SDK1: variants seen among roughly 807,000 people sequenced by gnomAD.
The protein encoded by SDK1 is sidekick cell adhesion molecule 1.
A neutral mutation model predicts 245.5 loss-of-function variants in SDK1; 157 were observed. The ratio of observed to expected loss-of-function variants is 0.64; its 90% CI spans 0.56 to 0.73. The LOEUF (loss-of-function observed/expected upper bound fraction) is 0.73, where lower values mean the gene tolerates loss of function less well. SDK1 is among the 30% of genes least tolerant of loss of function. The pLI, the probability that SDK1 is intolerant of heterozygous loss-of-function variation, is 0.00. For missense variants in SDK1, 3,583 were observed against 3,002.3 expected, an observed-to-expected ratio of 1.19 and a Z score of -4.52; for synonymous variants, 1,647 against 1,278.5, an observed-to-expected ratio of 1.29 and a Z score of -6.15.
intron 13 of SDK1, among the ~76,000 whole-genome samples, chr7:3,978,088 AT>A (rs199727490): frequency 9.6e-4 from 140 of 146,032 alleles, no homozygotes; most frequent in South Asian, 6.4e-3. Flanking sequence ...CAGACAGAGG[AT>A]TTTTTTTTTT....
intron 5 of SDK1, among the ~76,000 whole-genome samples, chr7:3,850,982 G>C (rs771972705): frequency 1.7e-4 from 26 of 152,238 alleles, no homozygotes; most frequent in Non-Finnish European, 3.1e-4. Flanking sequence ...CGTTGTGCAA[G>C]TGTACCCTAG....
intron 1 of SDK1, among the ~76,000 whole-genome samples, chr7:3,323,534 C>T (rs966052428): frequency 6.6e-6 from 1 of 152,174 alleles, no homozygotes; most frequent in African/African-American, 2.4e-5. Context: ...ACTGAGGCTC[C>T]TGTTTTCTTG....
At chr7:3,738,393 A>G (rs1779380890) in intron 4 of SDK1, among the ~76,000 whole-genome samples, 1 of 152,124 alleles carries the variant, frequency 6.6e-6, no homozygotes, top group Non-Finnish European at 1.5e-5. Flanking sequence ...CTAATCTATT[A>G]CATTGGTTTG....
At chr7:3,347,811 A>C (rs1227830646) in intron 1 of SDK1, among the ~76,000 whole-genome samples, 2 of 152,200 alleles carry the variant, frequency 1.3e-5, no homozygotes, top group Non-Finnish European at 2.9e-5. Flanking sequence ...AAGTTTCTTA[A>C]GTACTTTATT....
intron 7 of SDK1, among the ~76,000 whole-genome samples, chr7:3,958,680 A>G (rs906122811): frequency 1.3e-5 from 2 of 152,194 alleles, no homozygotes; most frequent in African/African-American, 4.8e-5. Flanking sequence ...GTAAATTAAG[A>G]TATTCCATGA....
chr7:3,802,734 TC>T (rs1392758945), intron 4 of SDK1, among the ~76,000 whole-genome samples: 1 of 152,100 alleles, frequency 6.6e-6, no homozygotes, highest in African/African-American at 2.4e-5. Context: ...GATTGGCTTT[TC>T]CCCCCACTTA....
intron 1 of SDK1, among the ~76,000 whole-genome samples, chr7:3,368,551 G>A (rs1225204885): frequency 6.6e-6 from 1 of 152,194 alleles, no homozygotes; most frequent in African/African-American, 2.4e-5. Flanking sequence ...TTTGGATCAC[G>A]GGATGGTGGG....
chr7:3,721,504 AC>A (rs1778800043), intron 4 of SDK1, among the ~76,000 whole-genome samples: 1 of 152,246 alleles, frequency 6.6e-6, no homozygotes, highest in Non-Finnish European at 1.5e-5. Flanking sequence ...CTTTCACAGT[AC>A]AGCGTAGGCT....
intron 43 of SDK1, 45 bp downstream of exon 43, chr7:4,241,958 G>T (rs1237480725): frequency 1.9e-6 from 3 of 1,601,584 alleles, no homozygotes; most frequent in African/African-American, 1.3e-5. Context: ...GATCTGAGCT[G>T]CCAGGGCTGG....
chr7:3,907,948 T>A (rs1300256123), intron 5 of SDK1, among the ~76,000 whole-genome samples: 1 of 152,204 alleles, frequency 6.6e-6, no homozygotes, highest in Non-Finnish European at 1.5e-5. Flanking sequence ...AAACATTGTT[T>A]CAAGAGGGTT....
At chr7:4,152,290 G>T (rs140673560) in intron 30 of SDK1, among the ~76,000 whole-genome samples, 1 of 152,324 alleles carries the variant, frequency 6.6e-6, no homozygotes, top group East Asian at 1.9e-4. Context: ...CCCTCCAGAG[G>T]AAGGCACTCC....
chr7:3,405,201 A>G (rs1330011051), intron 1 of SDK1, among the ~76,000 whole-genome samples: 1 of 152,154 alleles, frequency 6.6e-6, no homozygotes, highest in South Asian at 2.1e-4. Flanking sequence ...ACTTTCCTTA[A>G]TCTTGGAATG....
chr7:3,375,665 T>G (rs1407576146), intron 1 of SDK1, among the ~76,000 whole-genome samples: 8 of 152,158 alleles, frequency 5.3e-5, no homozygotes, highest in African/African-American at 1.2e-4. Flanking sequence ...GGAGAAGTCC[T>G]TGTGGAGAGG....
intron 19 of SDK1, among the ~76,000 whole-genome samples, chr7:4,057,227 C>T (rs529774175): frequency 3.0e-4 from 46 of 152,308 alleles, no homozygotes; most frequent in African/African-American, 9.6e-4. Flanking sequence ...CACACACCAC[C>T]AGGGGTCCTG....
At chr7:3,812,802 C>G (rs1273256868) in intron 4 of SDK1, among the ~76,000 whole-genome samples, 1 of 152,306 alleles carries the variant, frequency 6.6e-6, no homozygotes, top group African/African-American at 2.4e-5. Flanking sequence ...TGCCTGAATG[C>G]AGTTGTGCTG....
At chr7:3,863,204 C>G (rs1162523587) in intron 5 of SDK1, among the ~76,000 whole-genome samples, 1 of 152,176 alleles carries the variant, frequency 6.6e-6, no homozygotes, top group Non-Finnish European at 1.5e-5. Flanking sequence ...ACCCAGACTC[C>G]TTAAAGGAAC....
intron 1 of SDK1, among the ~76,000 whole-genome samples, chr7:3,561,660 T>C (rs1016315520): frequency 5.9e-5 from 9 of 152,310 alleles, no homozygotes; most frequent in African/African-American, 1.9e-4. Context: ...TGATGACTTA[T>C]TTTCTCCTTA....
intron 5 of SDK1, among the ~76,000 whole-genome samples, chr7:3,931,018 A>G (rs1383257316): frequency 6.6e-6 from 1 of 152,240 alleles, no homozygotes; most frequent in Non-Finnish European, 1.5e-5. Flanking sequence ...ATAATAGCAG[A>G]TGGACATGTA....
chr7:3,426,076 C>T (rs951211969), intron 1 of SDK1, among the ~76,000 whole-genome samples: 1 of 152,116 alleles, frequency 6.6e-6, no homozygotes, highest in African/African-American at 2.4e-5. Flanking sequence ...CTTTATCTTC[C>T]CCTTGTTCCA....
Sources: gnomAD v4.1 joint callset for allele counts (sites outside exome capture counted in the v4.1 genomes callset) on GRCh38, gnomAD v4.1.1 for gene constraint, MANE v1.5 for transcripts, NCBI Gene and HGNC (gene_info 2026-07-23, HGNC 2026-07-21) for gene names.